ABCB5: variants seen among roughly 807,000 people sequenced by gnomAD.
ABCB5 encodes ATP-binding cassette sub-family B member 5.
A neutral mutation model predicts 144.2 loss-of-function variants in ABCB5; 155 were observed. That is an observed-to-expected ratio of 1.08 (90% CI 0.94 to 1.23). ABCB5 has a LOEUF of 1.23. Among genes scored for constraint, ABCB5 ranks in the 50% most tolerant of loss-of-function variants. ABCB5 has a pLI of 0.00. For missense variants in ABCB5, 1,830 were observed against 1,520.8 expected, an observed-to-expected ratio of 1.20 and a Z score of -3.38; for synonymous variants, 610 against 528.6, an observed-to-expected ratio of 1.15 and a Z score of -2.11.
intron 23 of ABCB5, among the ~76,000 whole-genome samples, chr7:20,738,287 C>A (rs1293842047): frequency 1.3e-5 from 2 of 152,146 alleles, no homozygotes; most frequent in Non-Finnish European, 1.5e-5. Context: ...AATATTTAAC[C>A]ATGGTCAGGT....
intron 21 of ABCB5, among the ~76,000 whole-genome samples, chr7:20,725,292 T>C (rs922039906): frequency 6.6e-6 from 1 of 152,210 alleles, no homozygotes. Flanking sequence ...TTTTAAGACT[T>C]TGAATGGGCC....
intron 20 of ABCB5, among the ~76,000 whole-genome samples, chr7:20,711,844 CTTT>C (rs200851981): frequency 1.2e-5 from 1 of 84,476 alleles, no homozygotes; most frequent in African/African-American, 4.4e-5. Flanking sequence ...TTCTTTCTTT[CTTT>C]TCTTTCTTTC....
At chr7:20,754,798 T>C (rs980790898) in intron 27 of ABCB5, among the ~76,000 whole-genome samples, 2 of 152,176 alleles carry the variant, frequency 1.3e-5, no homozygotes, top group Non-Finnish European at 2.9e-5. Flanking sequence ...CTCAAAGAAA[T>C]TGTAGTAGAA....
chr7:20,671,083 A>G (rs1280116995), intron 14 of ABCB5, among the ~76,000 whole-genome samples: 1 of 152,232 alleles, frequency 6.6e-6, no homozygotes, highest in South Asian at 2.1e-4. Flanking sequence ...AGTAGGTTAT[A>G]CCATAAAAAT....
chr7:20,630,907 A>G (rs1393263378), intron 4 of ABCB5, among the ~76,000 whole-genome samples: 1 of 152,204 alleles, frequency 6.6e-6, no homozygotes, highest in Non-Finnish European at 1.5e-5. Flanking sequence ...TGTGGTAAAC[A>G]TATAGAGAAG....
intron 21 of ABCB5, among the ~76,000 whole-genome samples, chr7:20,725,963 A>G (rs1782022685): frequency 6.6e-6 from 1 of 152,198 alleles, no homozygotes; most frequent in South Asian, 2.1e-4. Flanking sequence ...GTTATTCTTC[A>G]GAGAAGGCCA....
At chr7:20,693,864 A>T (rs915187032) in intron 16 of ABCB5, among the ~76,000 whole-genome samples, 4 of 151,522 alleles carry the variant, frequency 2.6e-5, no homozygotes, top group Non-Finnish European at 4.4e-5. Context: ...AAATAATCTT[A>T]TTAAAACATT....
chr7:20,651,680 C>A, intron 13 of ABCB5, 57 bp downstream of exon 13: 1 of 1,539,120 alleles, frequency 6.5e-7, no homozygotes, highest in Non-Finnish European at 9.0e-7. Context: ...TGCGACATTC[C>A]AATATAAGGT....
intron 15 of ABCB5, among the ~76,000 whole-genome samples, chr7:20,684,335 C>G (rs916153957): frequency 2.0e-5 from 3 of 152,124 alleles, no homozygotes; most frequent in Admixed American, 1.3e-4. Flanking sequence ...GTCCAGCGAC[C>G]TTCTCAAGAA....
At chr7:20,692,691 A>C (rs957202819) in intron 16 of ABCB5, among the ~76,000 whole-genome samples, 7 of 152,100 alleles carry the variant, frequency 4.6e-5, no homozygotes, top group African/African-American at 1.7e-4. Flanking sequence ...GACAAGTATT[A>C]GTAAAATGTT....
intron 23 of ABCB5, among the ~76,000 whole-genome samples, chr7:20,731,365 A>T (rs200094607): frequency 3.2e-3 from 284 of 87,920 alleles, no homozygotes; most frequent in Non-Finnish European, 3.3e-3. Context: ...GAAAAAAAAA[A>T]AAAAATATAT....
rs983042258 is a variant in ABCB5, at chr7:20,750,399, C to T, written c.3430-2961C>T. Among the ~76,000 whole-genome samples, 5 of 151,802 alleles carry T rather than the reference C, an allele frequency of 3.3e-5. No individual in the cohort carries two copies. The East Asian group carries it at 9.7e-4, about 29-fold the overall frequency. Reference sequence around the variant, plus strand: ...GCTTCCCCCTACACACACACACACACACACACACACACACACACACATATA... The same window carrying T: ...GCTTCCCCCTACACACACACACACATACACACACACACACACACACATATA... On this transcript the variant is annotated intron_variant, in intron 26 of 27. Coordinates refer to ENST00000404938, the MANE Select transcript of ABCB5 (RefSeq NM_001163941.2).
intron 15 of ABCB5, among the ~76,000 whole-genome samples, chr7:20,684,607 A>C (rs201647885): frequency 1.4e-5 from 2 of 143,848 alleles, no homozygotes; most frequent in African/African-American, 5.2e-5. Context: ...AAATAAATAA[A>C]TAAAAACAAA....
rs78763258 is a variant in ABCB5 at position 20,742,494 on chromosome 7, C to G, written c.3025-383C>G. 6.5e-3 allele frequency among the ~76,000 whole-genome samples: 993 copies of G among 152,326 alleles called. 8 individuals are homozygous for G. The highest frequency in any genetic ancestry group is 0.023 in the African/African-American group (936 of 41,578). ...CCCTCATACATATAGTTTATGAGAA[C>G]CCCAGCTCTTCTGAATTAAGCAATA... On this transcript the variant is annotated intron_variant, in intron 24 of 27. Coordinates refer to ENST00000404938, the MANE Select transcript of ABCB5 (RefSeq NM_001163941.2).
At chr7:20,670,977 C>T (rs1202269752) in intron 14 of ABCB5, among the ~76,000 whole-genome samples, 1 of 152,128 alleles carries the variant, frequency 6.6e-6, no homozygotes, top group East Asian at 1.9e-4. Context: ...ATCAGTCACT[C>T]ATTAGTTTAA....
chr7:20,633,052 C>A (rs58361444), intron 5 of ABCB5, among the ~76,000 whole-genome samples: 12,887 of 150,302 alleles, frequency 0.086, 1,734 homozygotes, highest in African/African-American at 0.28. Flanking sequence ...AATTCTATTT[C>A]TTTAAACATT....
chr7:20,734,493 T>G (rs1442236974), intron 23 of ABCB5, among the ~76,000 whole-genome samples: 1 of 151,146 alleles, frequency 6.6e-6, no homozygotes, highest in Non-Finnish European at 1.5e-5. Context: ...CTCCAAGGCA[T>G]AATTTATAGC....
At chr7:20,737,523 C>T (rs1782425102) in intron 23 of ABCB5, among the ~76,000 whole-genome samples, 1 of 152,132 alleles carries the variant, frequency 6.6e-6, no homozygotes, top group Non-Finnish European at 1.5e-5. Flanking sequence ...CTTACCATTA[C>T]TGTTATAGTG....
chr7:20,651,610 T>C lies in ABCB5; in HGVS notation c.1523T>C (p.Met508Thr), dbSNP rs1391280451. ...GAAGCAAATGCGTATGATTTTATCA[T>C]GGAGTTTCCTAATGTGAGTACACTG... is the stretch of plus-strand genomic sequence containing the variant. ...AREANAYDFI[M>T]EFPNKFNTLV... The change falls in exon 13 of 28, where the codon ATG (methionine) becomes ACG (threonine). Residue 508 changes from methionine to threonine, a missense_variant. By Grantham distance (81) the Met-to-Thr change is moderately conservative. Coordinates refer to ENST00000404938, the MANE Select transcript of ABCB5 (RefSeq NM_001163941.2). The C allele has an allele frequency of 1.2e-6, 2 of 1,614,102 alleles. No homozygotes were observed. The highest frequency in any genetic ancestry group is 8.5e-7 in the Non-Finnish European group (1 of 1,179,962).
Sources: allele counts gnomAD v4.1 joint callset (sites outside exome capture counted in the v4.1 genomes callset), GRCh38; gene constraint gnomAD v4.1.1; transcripts MANE v1.5; gene names NCBI Gene and HGNC (gene_info 2026-07-23, HGNC 2026-07-21).